The following NEXMIF variants were observed in gnomAD, a reference collection of about 807,000 sequenced individuals.
NEXMIF encodes XLMR protein related to neurite extension.
A neutral mutation model predicts 62.1 loss-of-function variants in NEXMIF; 8 were observed. The ratio of observed to expected loss-of-function variants is 0.13; its 90% CI spans 0.08 to 0.23. The LOEUF is 0.23. Among genes scored for constraint, NEXMIF ranks in the 10% least tolerant of loss-of-function variants. NEXMIF has a pLI of 1.00. For synonymous variants in NEXMIF, 404 were observed against 416.6 expected (o/e 0.97, Z 0.37); for missense variants, 976 against 1,113.3 (o/e 0.88, Z 1.75).
At chrX:74,810,562 G>A (rs9792729) in intron 1 of NEXMIF, among the ~76,000 whole-genome samples, 14,121 of 106,624 alleles carry the variant, frequency 0.13, 1,619 homozygotes, top group East Asian at 0.9. Flanking sequence ...AGGCCGAGGC[G>A]GGTGGACTGC....
chrX:74,759,023 T>C (rs762445635), intron 1 of NEXMIF, among the ~76,000 whole-genome samples: 1 of 112,415 alleles, frequency 8.9e-6, no homozygotes, highest in Admixed American at 9.4e-5. Flanking sequence ...CCACCAACAG[T>C]GTATAAGCAT....
At chrX:74,774,819 T>C (rs1410676071) in intron 1 of NEXMIF, among the ~76,000 whole-genome samples, 2 of 111,447 alleles carry the variant, frequency 1.8e-5, no homozygotes, top group Non-Finnish European at 3.8e-5. Flanking sequence ...AGTCAAAGGA[T>C]AGAGAGGTGC....
intron 1 of NEXMIF, among the ~76,000 whole-genome samples, chrX:74,916,020 C>T (rs2080805658): frequency 8.9e-6 from 1 of 112,055 alleles, no homozygotes; most frequent in African/African-American, 3.2e-5. Flanking sequence ...GCTAAAGCTA[C>T]CAAATAGGGG....
At chrX:74,828,821 C>A (rs2080426688) in intron 1 of NEXMIF, among the ~76,000 whole-genome samples, 1 of 111,717 alleles carries the variant, frequency 9.0e-6, no homozygotes, top group Admixed American at 9.5e-5. Flanking sequence ...CCTCTGAAAT[C>A]TTCCCTTATC....
chrX:74,863,311 A>G (rs2080564860), intron 1 of NEXMIF, among the ~76,000 whole-genome samples: 1 of 111,448 alleles, frequency 9.0e-6, no homozygotes, highest in African/African-American at 3.3e-5. Flanking sequence ...TAGAGACACA[A>G]AAAACTGTTC....
rs1354677303 is a variant in NEXMIF, at chrX:74,788,612, T to C, written c.-47-42915A>G. Among the ~76,000 whole-genome samples the C allele has an allele frequency of 6.3e-5, 7 of 111,342 alleles. No individual in the cohort carries two copies. In the East Asian group the frequency reaches 2.0e-3, roughly 32 times the overall value. Reference sequence around the variant, plus strand: ...AAGGGGCACAAACATGACATGATGTTGCTTACCCCATTTCAGGTCAAAACT... The same window carrying C: ...AAGGGGCACAAACATGACATGATGTCGCTTACCCCATTTCAGGTCAAAACT... On this transcript the variant is annotated intron_variant, in intron 1 of 3. Transcript: ENST00000055682.
At chrX:74,892,567 T>A (rs1223032120) in intron 1 of NEXMIF, among the ~76,000 whole-genome samples, 1 of 112,306 alleles carries the variant, frequency 8.9e-6, no homozygotes, top group Non-Finnish European at 1.9e-5. Flanking sequence ...TATATACTTA[T>A]TACTTAAACA....
intron 1 of NEXMIF, among the ~76,000 whole-genome samples, chrX:74,909,024 C>T (rs1333542145): frequency 9.0e-6 from 1 of 111,714 alleles, no homozygotes; most frequent in African/African-American, 3.3e-5. Flanking sequence ...TCCAATTAAA[C>T]TTCTTTTTCT....
chrX:74,865,397 A>C (rs1482941117), intron 1 of NEXMIF, among the ~76,000 whole-genome samples: 2 of 111,859 alleles, frequency 1.8e-5, no homozygotes, highest in Non-Finnish European at 3.8e-5. Context: ...GAGAGAGATA[A>C]CTTAGGGTAT....
At chrX:74,870,302 A>G (rs942647478) in intron 1 of NEXMIF, among the ~76,000 whole-genome samples, 12 of 111,360 alleles carry the variant, frequency 1.1e-4, no homozygotes, top group Non-Finnish European at 1.9e-4. Flanking sequence ...CCCATCTCTC[A>G]TCATATACAA....
intron 1 of NEXMIF, among the ~76,000 whole-genome samples, chrX:74,752,142 T>G (rs1387301731): frequency 1.8e-5 from 2 of 111,737 alleles, no homozygotes; most frequent in Admixed American, 9.5e-5. Context: ...ACTAATTACA[T>G]GTACTACAAA....
At position 74,744,423 on chromosome X, in the gene NEXMIF, G is replaced by A. The variant is rs1198098538; in HGVS notation, c.134C>T (p.Ala45Val). Residue 45 changes from alanine (A) to valine (V), a missense_variant, in exon 3 of 4, where the codon GCA becomes GTA. By Grantham distance (64) the Ala-to-Val change is moderately conservative (BLOSUM62 0). Transcript: ENST00000055682. Reference protein sequence around the residue: ...MKSFAALEAAAPIQPTPVAQK... With the variant: ...MKSFAALEAAVPIQPTPVAQK... ...TGCCACCGGTGTAGGCTGGATAGGT[G>A]CAGCAGCTTCTAGAGCTGCAAATGA... 8.3e-7 allele frequency: 1 copy of A among 1,207,563 alleles called. No homozygotes were observed. Among genetic ancestry groups the A allele is most frequent in the Admixed American group, 2.2e-5 (1 of 45,631 alleles).
chrX:74,857,374 G>T (rs2080539181), intron 1 of NEXMIF, among the ~76,000 whole-genome samples: 1 of 112,147 alleles, frequency 8.9e-6, no homozygotes. Flanking sequence ...CCAGTTCCAG[G>T]CCCTAGCTCC....
chrX:74,892,421 AT>A (rs1274565692), intron 1 of NEXMIF, among the ~76,000 whole-genome samples: 1 of 111,826 alleles, frequency 8.9e-6, no homozygotes, highest in Non-Finnish European at 1.9e-5. Flanking sequence ...CTTTACAGAT[AT>A]TATTTTCCTC....
intron 1 of NEXMIF, among the ~76,000 whole-genome samples, chrX:74,859,597 C>A (rs1274084268): frequency 2.7e-5 from 3 of 111,227 alleles, no homozygotes; most frequent in African/African-American, 9.8e-5. Context: ...AGTAAGTATA[C>A]TGAAAAACTA....
intron 1 of NEXMIF, among the ~76,000 whole-genome samples, chrX:74,816,299 T>C (rs2080375829): frequency 8.9e-6 from 1 of 112,053 alleles, no homozygotes; most frequent in South Asian, 3.7e-4. Context: ...ATTCCTGTCA[T>C]CAAAAACAAT....
At chrX:74,748,103 G>T (rs922076022) in intron 1 of NEXMIF, among the ~76,000 whole-genome samples, 1 of 112,357 alleles carries the variant, frequency 8.9e-6, no homozygotes, top group African/African-American at 3.2e-5. Flanking sequence ...ACAGAGAGGA[G>T]ATACACTTTG....
intron 1 of NEXMIF, among the ~76,000 whole-genome samples, chrX:74,863,206 C>T (rs1434218494): frequency 4.7e-5 from 5 of 107,503 alleles, no homozygotes; most frequent in Non-Finnish European, 9.6e-5. Flanking sequence ...AGCACCATAG[C>T]ATCACAACTA....
chrX:74,924,420 G>A (rs1466162966), intron 1 of NEXMIF, among the ~76,000 whole-genome samples: 4 of 113,291 alleles, frequency 3.5e-5, no homozygotes, highest in Non-Finnish European at 7.5e-5. Flanking sequence ...GCCCGGCTTC[G>A]CACCTTTGCG....
Sources: allele counts gnomAD v4.1 joint callset (sites outside exome capture counted in the v4.1 genomes callset), GRCh38; gene constraint gnomAD v4.1.1; transcripts MANE v1.5; gene names NCBI Gene and HGNC (gene_info 2026-07-23, HGNC 2026-07-21).